Variants in CCDC171 observed in about 807,000 individuals in gnomAD.
CCDC171 encodes the protein coiled-coil domain-containing protein 171.
CCDC171 carries 177 observed loss-of-function variants against 168.2 expected under a neutral mutation model. That is an observed-to-expected ratio of 1.05 (90% confidence interval 0.93 to 1.19). The LOEUF is 1.19. Among genes scored for constraint, CCDC171 ranks in the 50% most tolerant of loss-of-function variants. CCDC171 has a pLI of 0.00. For missense variants in CCDC171, 1,991 were observed against 1,539.0 expected (o/e 1.29, Z -4.91); for synonymous variants, 687 against 540.8 (o/e 1.27, Z -3.75).
intron 21 of CCDC171, among the ~76,000 whole-genome samples, chr9:15,794,517 TATGAA>T (rs1245917939): frequency 6.6e-6 from 1 of 151,508 alleles, no homozygotes. Context: ...TGTTGGATAT[TATGAA>T]ATACAGTTTA....
chr9:15,892,697 A>C (rs1178870636), intron 24 of CCDC171, among the ~76,000 whole-genome samples: 1 of 152,162 alleles, frequency 6.6e-6, no homozygotes, highest in Non-Finnish European at 1.5e-5. Flanking sequence ...GCAAAAAACA[A>C]ACAAACAAAA....
At chr9:15,982,918 G>A (rs1045464527) in intron 3 of CCDC171, among the ~76,000 whole-genome samples, 2 of 152,108 alleles carry the variant, frequency 1.3e-5, no homozygotes, top group Admixed American at 1.3e-4. Flanking sequence ...GGTGATGCAG[G>A]GGTGAGGTCA....
chr9:15,783,420 A>G (rs2057768415), intron 20 of CCDC171, among the ~76,000 whole-genome samples: 2 of 152,216 alleles, frequency 1.3e-5, no homozygotes, highest in Non-Finnish European at 2.9e-5. Context: ...TTAAAATTTC[A>G]AATCAACCTG....
At chr9:15,603,396 C>T (rs924733661) in intron 6 of CCDC171, among the ~76,000 whole-genome samples, 2 of 152,146 alleles carry the variant, frequency 1.3e-5, no homozygotes, top group African/African-American at 4.8e-5. Flanking sequence ...TTCTAATGCT[C>T]TCCCTCCCTT....
chr9:15,591,870 T>G (rs1410860426), intron 5 of CCDC171, among the ~76,000 whole-genome samples: 1 of 152,192 alleles, frequency 6.6e-6, no homozygotes, highest in Non-Finnish European at 1.5e-5. Context: ...ACATTTGGAA[T>G]TTTAGAAATA....
At position 15,884,817 on chromosome 9, in the gene CCDC171, A is replaced by G. The variant is rs947189316; in HGVS notation, c.3600+10154A>G. Among the ~76,000 whole-genome samples, 14 of 152,296 alleles carry G rather than the reference A, an allele frequency of 9.2e-5. 1 individual carries two copies. Among genetic ancestry groups the G allele is most frequent in the Admixed American group, 5.9e-4 (9 of 15,294 alleles). ...GGTGATTTTCACATTAAAAAATGCT[A>G]TATTAGTAAAAGCTAAGTTGGACTG... On this transcript the variant is annotated intron_variant, in intron 24 of 25. Transcript: ENST00000380701.
At chr9:15,663,608 CTTT>C (rs56022914) in intron 8 of CCDC171, among the ~76,000 whole-genome samples, 19 of 123,210 alleles carry the variant, frequency 1.5e-4, no homozygotes, top group Non-Finnish European at 2.1e-4. Flanking sequence ...CTTTTTTTTT[CTTT>C]TTTTTTTTTT....
chr9:15,587,793 A>C, intron 4 of CCDC171: 1 of 294,990 alleles, frequency 3.4e-6, no homozygotes, highest in South Asian at 2.9e-5. Context: ...AAACCCTTTA[A>C]AATGGAGAGA....
At chr9:15,798,290 G>A (rs541817595) in intron 21 of CCDC171, among the ~76,000 whole-genome samples, 1 of 152,018 alleles carries the variant, frequency 6.6e-6, no homozygotes, top group African/African-American at 2.4e-5. Context: ...CCTCATACTG[G>A]TAATTCATAT....
intron 15 of CCDC171, 121 bp from the exon 16 acceptor site, chr9:15,729,489 A>T (rs1006904530): frequency 3.5e-5 from 19 of 546,306 alleles, no homozygotes; most frequent in African/African-American, 3.3e-4. Context: ...TTATGTTAAA[A>T]TTTTTATATG....
At chr9:15,855,440 C>G (rs546585127) in intron 23 of CCDC171, among the ~76,000 whole-genome samples, 1 of 151,758 alleles carries the variant, frequency 6.6e-6, no homozygotes, top group Non-Finnish European at 1.5e-5. Flanking sequence ...GTCTTTGTAT[C>G]TAAGATGAGT....
intron 2 of CCDC171, among the ~76,000 whole-genome samples, chr9:15,570,928 A>T (rs760887213): frequency 7.9e-5 from 12 of 152,192 alleles, no homozygotes; most frequent in African/African-American, 2.9e-4. Flanking sequence ...AGACTGGGAA[A>T]GAGATAGGTA....
the CCDC171 span, among the ~76,000 whole-genome samples, chr9:16,100,263 A>G: frequency 2.0e-5 from 3 of 152,326 alleles, no homozygotes; most frequent in East Asian, 3.9e-4. Context: ...ATTAATTCTA[A>G]TAATGCATTG....
At chr9:15,629,933 C>G (rs977941562) in intron 7 of CCDC171, among the ~76,000 whole-genome samples, 6 of 152,144 alleles carry the variant, frequency 3.9e-5, no homozygotes, top group African/African-American at 1.4e-4. Flanking sequence ...AACTAAGCTT[C>G]ATAAGTGAAG....
At chr9:15,960,758 C>T (rs987248742) in intron 25 of CCDC171, among the ~76,000 whole-genome samples, 1 of 152,134 alleles carries the variant, frequency 6.6e-6, no homozygotes, top group African/African-American at 2.4e-5. Flanking sequence ...CATGATTTGT[C>T]TTACATCTGA....
intron 24 of CCDC171, among the ~76,000 whole-genome samples, chr9:15,891,586 A>C (rs1429303774): frequency 6.6e-6 from 1 of 152,200 alleles, no homozygotes; most frequent in Admixed American, 6.6e-5. Context: ...AAGTGCCTTT[A>C]TTAAGCCCCA....
In CCDC171 at chr9:15,723,724, ACT is replaced by A. The variant is rs776668073; in HGVS notation, c.1473_1474del (p.Thr493Ter). The stretch of plus-strand genomic sequence containing the variant: ...CTTGATTCTACGAAACAGAAGATAG[ACT>A]CTCACACTAAAAATATAAAGGTATT... On this transcript the variant is annotated frameshift_variant, in exon 13 of 26. Transcript: ENST00000380701. LOFTEE classifies it high-confidence loss of function. 1.2e-5 allele frequency: 18 copies of A among 1,544,432 alleles called. No individual in the cohort carries two copies. The highest frequency in any genetic ancestry group is 1.6e-5 in the Non-Finnish European group (18 of 1,124,672).
intron 16 of CCDC171, among the ~76,000 whole-genome samples, chr9:15,739,884 C>T (rs984854581): frequency 2.6e-5 from 4 of 151,978 alleles, no homozygotes; most frequent in Non-Finnish European, 5.9e-5. Context: ...ACTACAGGAG[C>T]GTGCCACCAT....
At chr9:15,647,099 A>C (rs1211586044) in intron 7 of CCDC171, among the ~76,000 whole-genome samples, 2 of 152,170 alleles carry the variant, frequency 1.3e-5, no homozygotes, top group Non-Finnish European at 2.9e-5. Context: ...TAAGAAACTC[A>C]CTCAAAACCG....
Sources: allele counts gnomAD v4.1 joint callset (sites outside exome capture counted in the v4.1 genomes callset), GRCh38; gene constraint gnomAD v4.1.1; transcripts MANE v1.5; gene names NCBI Gene and HGNC (gene_info 2026-07-23, HGNC 2026-07-21).